ABCA8: variants seen among roughly 807,000 people sequenced by gnomAD.
ABCA8 encodes ATP binding cassette subfamily A member 8.
A neutral mutation model predicts 192.3 loss-of-function variants in ABCA8; 177 were observed. The observed-to-expected ratio is 0.92, with a 90% CI of 0.81 to 1.04. The LOEUF (loss-of-function observed/expected upper bound fraction) is 1.04. Among genes scored for constraint, ABCA8 ranks in the 50% least tolerant of loss-of-function variants. The pLI is 0.00. For synonymous variants in ABCA8, 642 were observed against 690.2 expected (o/e 0.93, Z 1.09); for missense variants, 1,915 against 1,904.8 (o/e 1.01, Z -0.10).
Position 68,875,363 on chromosome 17 carries a change from C to A in ABCA8, c.4528G>T (p.Gly1510Cys), listed in dbSNP as rs754058679. 6.2e-7 allele frequency: 1 copy of A among 1,613,846 alleles called. No individual in the cohort carries two copies. Among genetic ancestry groups the A allele is most frequent in the Admixed American group, 1.7e-5 (1 of 59,992 alleles). The change falls in exon 37 of 40, where the codon GGC becomes TGC. Residue 1510 changes from glycine to cysteine, a missense_variant. Gly to Cys is a radical substitution (Grantham distance 159). Coordinates refer to ENST00000586539, the MANE Select transcript of ABCA8 (RefSeq NM_001288985.2). Reference protein sequence around the residue: ...GSIQHLKSKFGKDYLLEMKVK... With the variant: ...GSIQHLKSKFCKDYLLEMKVK... ...TTCATCTCCAGCAGGTAATCTTTGC[C>A]AAATTTGCTTTTCAGGTGTTGGATG... is the stretch of plus-strand genomic sequence containing the variant.
chr17:68,896,825 A>AACCTCAGATCTTAAC (rs1374670909), intron 21 of ABCA8, among the ~76,000 whole-genome samples: 1 of 152,198 alleles, frequency 6.6e-6, no homozygotes, highest in Non-Finnish European at 1.5e-5. Flanking sequence ...TGAGGTTGTT[A>AACCTCAGATCTTAAC]AGATCTACTC....
chr17:68,901,378 G>A (rs2066907133), intron 21 of ABCA8, among the ~76,000 whole-genome samples: 1 of 152,120 alleles, frequency 6.6e-6, no homozygotes, highest in East Asian at 1.9e-4. Flanking sequence ...ACGAAAAGAT[G>A]CTCAACGTTA....
chr17:68,941,072 C>G (rs113687613), intron 3 of ABCA8, 110 bp from the exon 4 acceptor site: 3 of 781,158 alleles, frequency 3.8e-6, no homozygotes, highest in Non-Finnish European at 6.1e-6. Context: ...TTCAATATAT[C>G]CCATATTATA....
chr17:68,889,079 T>C (rs1054246285), intron 24 of ABCA8, among the ~76,000 whole-genome samples: 3 of 152,224 alleles, frequency 2.0e-5, no homozygotes, highest in Non-Finnish European at 2.9e-5. Flanking sequence ...GAAAGACTTA[T>C]AGTTACATCA....
Position 68,886,957 on chromosome 17 carries a change from G to T in ABCA8, c.3429+60C>A, listed in dbSNP as rs772562817. 5 of 1,213,060 alleles carry T rather than the reference G, an allele frequency of 4.1e-6. No individual in the cohort carries two copies. In the East Asian group the frequency reaches 1.3e-4, roughly 31 times the overall value. 75.1% of individuals were successfully genotyped at this position (1,213,060 alleles called of 1,614,324 possible). A position where few individuals can be genotyped will look rare whatever the true frequency, so the allele number is the denominator to read the frequency against. On this transcript the variant is annotated intron_variant, in intron 26 of 39. Coordinates refer to ENST00000586539, the MANE Select transcript of ABCA8 (RefSeq NM_001288985.2). Reference sequence around the variant, plus strand: ...ATCCTACAGAGGGCAAAATTTAAAGGATTAGCTCAGAATTGTATATCAAAT... The same window carrying T: ...ATCCTACAGAGGGCAAAATTTAAAGTATTAGCTCAGAATTGTATATCAAAT...
chr17:68,877,909 C>T, intron 32 of ABCA8: 1 of 420,906 alleles, frequency 2.4e-6, no homozygotes, highest in South Asian at 7.7e-5. Context: ...TCCAATATCC[C>T]ATAAATGTGG....
intron 24 of ABCA8, among the ~76,000 whole-genome samples, chr17:68,887,881 CATATATAT>C (rs1202636158): frequency 1.9e-4 from 13 of 68,238 alleles, no homozygotes; most frequent in African/African-American, 9.4e-4. Flanking sequence ...TTCTCTCCTC[CATATATAT>C]ATATATATAT....
intron 38 of ABCA8, among the ~76,000 whole-genome samples, chr17:68,868,980 T>C (rs1354701309): frequency 6.6e-6 from 1 of 152,052 alleles, no homozygotes; most frequent in African/African-American, 2.4e-5. Flanking sequence ...CATCAGAGAA[T>C]GAAAAGAAGA....
chr17:68,902,654 T>C, intron 21 of ABCA8, 59 bp downstream of exon 21: 1 of 1,367,904 alleles, frequency 7.3e-7, no homozygotes, highest in Non-Finnish European at 9.9e-7. Flanking sequence ...ATGGTTATGT[T>C]TTCTAAGTAC....
chr17:68,916,190 G>A (rs577700609), intron 17 of ABCA8, among the ~76,000 whole-genome samples: 192 of 152,088 alleles, frequency 1.3e-3, no homozygotes, highest in African/African-American at 4.6e-3. Context: ...AGTAGAATGA[G>A]ATCTAGTATT....
chr17:68,939,656 G>A (rs767647994), intron 4 of ABCA8, among the ~76,000 whole-genome samples: 6 of 152,040 alleles, frequency 3.9e-5, no homozygotes, highest in Non-Finnish European at 7.4e-5. Context: ...GCTGTATATC[G>A]GAGGGGCAGA....
chr17:68,954,187 T>TC (rs1323592378), intron 1 of ABCA8, among the ~76,000 whole-genome samples: 15 of 53,458 alleles, frequency 2.8e-4, no homozygotes, highest in Non-Finnish European at 3.4e-4. Flanking sequence ...CCCTCCCCCC[T>TC]CCCCCCACCC....
intron 7 of ABCA8, 86 bp from the exon 8 acceptor site, chr17:68,929,788 T>C: frequency 8.6e-7 from 1 of 1,160,746 alleles, no homozygotes. Flanking sequence ...AACTCTTCAT[T>C]CACTTATTCA....
intron 6 of ABCA8, among the ~76,000 whole-genome samples, chr17:68,932,744 A>G (rs1418526061): frequency 6.6e-6 from 1 of 152,188 alleles, no homozygotes; most frequent in African/African-American, 2.4e-5. Context: ...TCCCTGCCTA[A>G]CATTACTTTA....
Position 68,932,335 on chromosome 17 carries a change from C to A in ABCA8, c.750G>T (p.Arg250Ser). The change falls in exon 7 of 40, where the codon AGG becomes AGT. Residue 250 changes from arginine (R) to serine (S), a missense_variant. Coordinates refer to ENST00000586539, the MANE Select transcript of ABCA8 (RefSeq NM_001288985.2). The part of the protein sequence containing the change: ...ASVNVTRERK[R>S]MKALMTMMGL... ...CCATCATTGTCATCAAGGCCTTCAT[C>A]CTTTTCCTCTCTCTTGTGACATTAA... 6.2e-7 allele frequency: 1 copy of A among 1,614,140 alleles called. No individual in the cohort carries two copies. Among genetic ancestry groups the A allele is most frequent in the Non-Finnish European group, 8.5e-7 (1 of 1,179,998 alleles).
In ABCA8 at chr17:68,917,425, T is replaced by C; in HGVS notation, c.2074A>G (p.Lys692Glu). The C allele has an allele frequency of 6.2e-7, 1 of 1,611,372 alleles. No individual in the cohort carries two copies. Reference protein sequence around the residue: ...ADRKVFLSQGKLKCAGSSLFL... With the variant: ...ADRKVFLSQGELKCAGSSLFL... ...AAAGAAGAGCCCGCGCACTTTAGCT[T>C]CCCTTGGGAGAGAAATACTTTCCTG... is the stretch of plus-strand genomic sequence containing the variant. The change falls in exon 17 of 40, where the codon AAG becomes GAG. Residue 692 changes from lysine (K) to glutamate (E), a missense_variant. By Grantham distance (56) the Lys-to-Glu change is moderately conservative. Transcript: ENST00000586539.
At position 68,884,668 on chromosome 17, in the gene ABCA8, T is replaced by C. The variant is rs575062861; in HGVS notation, c.3550-272A>G. 37 of 1,144,418 alleles carry C rather than the reference T, an allele frequency of 3.2e-5. No homozygotes were observed. The African/African-American group carries it at 5.3e-4, about 16-fold the overall frequency. 70.9% of individuals were successfully genotyped at this position (1,144,418 alleles called of 1,614,324 possible). A position where few individuals can be genotyped will look rare whatever the true frequency, so the allele number is the denominator to read the frequency against. On this transcript the variant is annotated intron_variant, in intron 27 of 39. Coordinates refer to ENST00000586539, the MANE Select transcript of ABCA8 (RefSeq NM_001288985.2). Reference sequence around the variant, plus strand: ...CCTCCCCAAACAGTGAGAGACAGTGTTTATTCTTCTCACACAGAACTTCAC... The same window carrying C: ...CCTCCCCAAACAGTGAGAGACAGTGCTTATTCTTCTCACACAGAACTTCAC...
intron 3 of ABCA8, 141 bp from the exon 4 acceptor site, chr17:68,941,103 A>G (rs1017920896): frequency 3.1e-6 from 2 of 652,808 alleles, no homozygotes; most frequent in African/African-American, 3.6e-5. Flanking sequence ...AGTCTGCTGA[A>G]AGTCAATGTG....
intron 2 of ABCA8, among the ~76,000 whole-genome samples, chr17:68,946,210 G>C (rs767961818): frequency 3.3e-5 from 5 of 151,990 alleles, no homozygotes; most frequent in Non-Finnish European, 7.4e-5. Flanking sequence ...AGGGACTACA[G>C]GCGCCCACCA....
Sources: allele counts gnomAD v4.1 joint callset (sites outside exome capture counted in the v4.1 genomes callset), GRCh38; gene constraint gnomAD v4.1.1; transcripts MANE v1.5; gene names NCBI Gene and HGNC (gene_info 2026-07-23, HGNC 2026-07-21).